OPCML: variants seen among roughly 807,000 people sequenced by gnomAD.
OPCML encodes the protein opioid binding protein/cell adhesion molecule like.
A neutral mutation model predicts 37.8 loss-of-function variants in OPCML; 13 were observed. The observed-to-expected ratio is 0.34, with a 90% CI of 0.22 to 0.55. The LOEUF is 0.55. Ranked by LOEUF, OPCML falls within the 20% of genes least tolerant of loss-of-function variation. The probability of loss-of-function intolerance (pLI) is 0.91; values close to 1 mark genes in which losing one functional copy is unlikely to be tolerated. For synonymous variants in OPCML, 176 were observed against 168.8 expected (o/e 1.04, Z -0.33); for missense variants, 341 against 435.6 (o/e 0.78, Z 1.93).
intron 3 of OPCML, among the ~76,000 whole-genome samples, chr11:132,553,317 A>G (rs2096386711): frequency 2.0e-5 from 3 of 152,302 alleles, no homozygotes; most frequent in Non-Finnish European, 4.4e-5. Flanking sequence ...TCATGTAGGA[A>G]ATAAAGTTGC....
chr11:133,018,033 C>A lies in OPCML; in HGVS notation c.62-75023G>T, dbSNP rs567205624. Among the ~76,000 whole-genome samples the A allele has an allele frequency of 2.4e-4, 37 of 152,258 alleles. No homozygotes were observed. The South Asian group carries it at 3.9e-3, about 16-fold the overall frequency. The stretch of plus-strand genomic sequence containing the variant: ...CAGCCCTTGATACCTGCAGCCACTG[C>A]GAGAGGGCTGTACAGGCAGGCAGGA... On this transcript the variant is annotated intron_variant, in intron 1 of 7. Transcript: ENST00000524381.
intron 1 of OPCML, among the ~76,000 whole-genome samples, chr11:133,351,304 G>A (rs1944131969): frequency 6.6e-6 from 1 of 152,026 alleles, no homozygotes; most frequent in South Asian, 2.1e-4. Flanking sequence ...CTACAATTGA[G>A]CTTTCAACTC....
At chr11:133,226,128 A>G (rs1443686865) in intron 1 of OPCML, among the ~76,000 whole-genome samples, 3 of 152,228 alleles carry the variant, frequency 2.0e-5, no homozygotes, top group African/African-American at 7.2e-5. Context: ...GCGGGGATAT[A>G]GACTGACTGG....
chr11:133,327,808 C>G (rs1323088916), intron 1 of OPCML, among the ~76,000 whole-genome samples: 4 of 152,116 alleles, frequency 2.6e-5, no homozygotes, highest in Non-Finnish European at 4.4e-5. Flanking sequence ...CTGGGTACAG[C>G]TACTACTCGG....
chr11:133,422,289 G>A (rs61912402), intron 1 of OPCML: 49,293 of 984,156 alleles, frequency 0.05, 1,316 homozygotes, highest in Non-Finnish European at 0.055. Flanking sequence ...CACTAAACAC[G>A]AAGATATGGG....
At chr11:132,653,379 G>A (rs1002376600) in intron 3 of OPCML, among the ~76,000 whole-genome samples, 2 of 152,148 alleles carry the variant, frequency 1.3e-5, no homozygotes, top group African/African-American at 2.4e-5. Context: ...ACTCCTGCCT[G>A]CGCTTGTGCC....
chr11:133,507,134 G>A (rs1015993637), intron 1 of OPCML, among the ~76,000 whole-genome samples: 8 of 152,190 alleles, frequency 5.3e-5, no homozygotes, highest in Non-Finnish European at 1.2e-4. Context: ...CTGCCCGCTA[G>A]CCCAGCCTGA....
intron 1 of OPCML, among the ~76,000 whole-genome samples, chr11:133,175,059 A>G (rs973171871): frequency 6.6e-6 from 1 of 152,246 alleles, no homozygotes; most frequent in Non-Finnish European, 1.5e-5. Flanking sequence ...AGCTACGATT[A>G]TGCCCCTGCA....
chr11:133,006,445 T>C (rs1301523368), intron 1 of OPCML: 1 of 985,290 alleles, frequency 1.0e-6, no homozygotes, highest in Non-Finnish European at 1.2e-6. Flanking sequence ...CTGGAAGACC[T>C]TGAATAAGTG....
chr11:133,494,585 G>A (rs7126038), intron 1 of OPCML, among the ~76,000 whole-genome samples: 43,362 of 137,014 alleles, frequency 0.32, 8,493 homozygotes, highest in African/African-American at 0.55. Context: ...CATGGATGAA[G>A]CTGGAAACCA....
chr11:133,046,695 G>T (rs373771739), intron 1 of OPCML, among the ~76,000 whole-genome samples: 24 of 152,284 alleles, frequency 1.6e-4, no homozygotes, highest in Admixed American at 2.6e-4. Flanking sequence ...TGGTTCACTT[G>T]TCCTACCCCC....
intron 1 of OPCML, among the ~76,000 whole-genome samples, chr11:133,140,129 G>A (rs1198748459): frequency 6.6e-6 from 1 of 151,224 alleles, no homozygotes; most frequent in Non-Finnish European, 1.5e-5. Context: ...AGAGGTTGCA[G>A]TGAGCCGAGA....
chr11:132,524,755 C>T (rs1240495386), intron 4 of OPCML, among the ~76,000 whole-genome samples: 2 of 152,146 alleles, frequency 1.3e-5, no homozygotes, highest in African/African-American at 2.4e-5. Flanking sequence ...GACAGGGCTC[C>T]AGCAGCTTAC....
chr11:133,141,258 T>C (rs577079742), intron 1 of OPCML, among the ~76,000 whole-genome samples: 1 of 151,988 alleles, frequency 6.6e-6, no homozygotes, highest in South Asian at 2.1e-4. Flanking sequence ...CACCCATTTC[T>C]CCACTGACAT....
Position 133,057,401 on chromosome 11 carries a change from A to G in OPCML, c.62-114391T>C, listed in dbSNP as rs151111437. ...AGGTCAGCTGGCGGCTCTTCGACTG[A>G]TTGCCCAGTTCCAGTCTCTGCCCTT... On this transcript the variant is annotated intron_variant, in intron 1 of 7. Coordinates refer to ENST00000524381, the MANE Select transcript of OPCML (RefSeq NM_001012393.5). Among the ~76,000 whole-genome samples the G allele has an allele frequency of 5.7e-3, 862 of 152,198 alleles. 6 individuals carry two copies. Among genetic ancestry groups the G allele is most frequent in the Middle Eastern group, 0.031 (9 of 292 alleles).
chr11:133,463,029 C>G (rs1473728441), intron 1 of OPCML, among the ~76,000 whole-genome samples: 1 of 150,690 alleles, frequency 6.6e-6, no homozygotes, highest in Non-Finnish European at 1.5e-5. Flanking sequence ...ATGACACAAG[C>G]CACAGCCTGG....
At chr11:133,276,514 T>C (rs760100640) in intron 1 of OPCML, among the ~76,000 whole-genome samples, 1 of 152,206 alleles carries the variant, frequency 6.6e-6, no homozygotes, top group Non-Finnish European at 1.5e-5. Flanking sequence ...ATTTGGAGCA[T>C]ACTTGTTAAT....
intron 1 of OPCML, chr11:133,007,792 T>G (rs1408611016): frequency 1.0e-6 from 1 of 985,350 alleles, no homozygotes; most frequent in Non-Finnish European, 1.2e-6. Context: ...TTAGCACATG[T>G]ATCATATCTC....
intron 1 of OPCML, among the ~76,000 whole-genome samples, chr11:133,020,312 A>G (rs1193538206): frequency 6.6e-6 from 1 of 152,156 alleles, no homozygotes; most frequent in Non-Finnish European, 1.5e-5. Flanking sequence ...CCTCAGCTGG[A>G]CTGTGCTTCC....
Sources: gnomAD v4.1 joint callset for allele counts (sites outside exome capture counted in the v4.1 genomes callset) on GRCh38, gnomAD v4.1.1 for gene constraint, MANE v1.5 for transcripts, NCBI Gene and HGNC (gene_info 2026-07-23, HGNC 2026-07-21) for gene names.